DNAH6: variants seen among roughly 807,000 people sequenced by gnomAD.
DNAH6 encodes the protein axonemal beta dynein heavy chain 6.
A neutral mutation model predicts 491.4 loss-of-function variants in DNAH6; 340 were observed. That is an observed-to-expected ratio of 0.69 (90% confidence interval 0.63 to 0.76). DNAH6 has a LOEUF of 0.76. Among genes scored for constraint, DNAH6 ranks in the 30% least tolerant of loss-of-function variants. The pLI is 0.00. For missense variants in DNAH6, 4,443 were observed against 4,972.2 expected (o/e 0.89, Z 3.20); for synonymous variants, 1,603 against 1,686.1 (o/e 0.95, Z 1.21).
At chr2:84,539,015 G>A (rs896691039) in intron 4 of DNAH6, among the ~76,000 whole-genome samples, 1 of 152,010 alleles carries the variant, frequency 6.6e-6, no homozygotes, top group Non-Finnish European at 1.5e-5. Context: ...TATGCAATAA[G>A]GAACAGATCA....
intron 4 of DNAH6, among the ~76,000 whole-genome samples, chr2:84,542,379 A>G (rs1678337525): frequency 6.6e-6 from 1 of 152,244 alleles, no homozygotes; most frequent in South Asian, 2.1e-4. Flanking sequence ...AAGGAAAGAC[A>G]TGTAAAATGT....
At position 84,637,197 on chromosome 2, in the gene DNAH6, T is replaced by A. The variant is rs971425003; in HGVS notation, c.4654-13T>A. 6.6e-7 allele frequency: 1 copy of A among 1,522,400 alleles called. No individual in the cohort carries two copies. Among genetic ancestry groups the A allele is most frequent in the African/African-American group, 1.4e-5 (1 of 71,984 alleles). 94.3% of individuals were successfully genotyped at this position (1,522,400 alleles called of 1,614,324 possible). ...TCTGGAAGAGTGTTAACTTATATTT[T>A]ATCTTCGAACAGCTCTCTAGATTCA... On this transcript the variant is annotated splice_polypyrimidine_tract_variant and intron_variant, in intron 30 of 76. Transcript: ENST00000389394.
intron 4 of DNAH6, among the ~76,000 whole-genome samples, chr2:84,529,678 G>A (rs1676972014): frequency 1.3e-5 from 2 of 152,182 alleles, no homozygotes; most frequent in South Asian, 2.1e-4. Context: ...ATAATTGTGA[G>A]TCTGCAAGTT....
At chr2:84,609,509 A>G (rs955539463) in intron 21 of DNAH6, among the ~76,000 whole-genome samples, 1 of 152,084 alleles carries the variant, frequency 6.6e-6, no homozygotes, top group African/African-American at 2.4e-5. Flanking sequence ...AGAAGAAATG[A>G]GATGGGGAAC....
chr2:84,750,239 G>A (rs1175793464), intron 63 of DNAH6, among the ~76,000 whole-genome samples: 1 of 145,560 alleles, frequency 6.9e-6, no homozygotes, highest in Non-Finnish European at 1.5e-5. Flanking sequence ...TTGCCTGGGT[G>A]GGAGTGCAGT....
intron 68 of DNAH6, among the ~76,000 whole-genome samples, chr2:84,790,113 T>C (rs2105259920): frequency 6.6e-6 from 1 of 152,364 alleles, no homozygotes; most frequent in African/African-American, 2.4e-5. Context: ...ATGACCTTTA[T>C]ATTTATGACC....
At chr2:84,517,128 C>A (rs1222487303) in intron 1 of DNAH6, among the ~76,000 whole-genome samples, 1 of 152,140 alleles carries the variant, frequency 6.6e-6, no homozygotes, top group Admixed American at 6.5e-5. Flanking sequence ...TGATTCAAGA[C>A]CTCTTGTGCT....
At chr2:84,640,642 A>G in intron 32 of DNAH6, 64 bp downstream of exon 32, 1 of 1,457,358 alleles carries the variant, frequency 6.9e-7, no homozygotes, top group South Asian at 1.3e-5. Flanking sequence ...TTAAATGGGT[A>G]ACTCAGGAAA....
chr2:84,705,777 G>A, intron 52 of DNAH6, 30 bp downstream of exon 52: 1 of 1,525,782 alleles, frequency 6.6e-7, no homozygotes, highest in African/African-American at 1.4e-5. Context: ...ATATTTTATA[G>A]AATTGAAGGC....
chr2:84,702,607 A>T (rs1696030864), intron 49 of DNAH6, among the ~76,000 whole-genome samples: 1 of 150,458 alleles, frequency 6.6e-6, no homozygotes, highest in Admixed American at 6.6e-5. Flanking sequence ...CAGTGGCATA[A>T]TCTCGGCTCA....
chr2:84,735,963 T>C (rs964694997), intron 62 of DNAH6, among the ~76,000 whole-genome samples: 6 of 152,202 alleles, frequency 3.9e-5, no homozygotes, highest in East Asian at 1.9e-4. Flanking sequence ...TCTAGAAGAG[T>C]ATTTCCTAAG....
intron 63 of DNAH6, chr2:84,751,367 A>G (rs1464108561): frequency 6.6e-6 from 1 of 152,222 alleles, no homozygotes; most frequent in African/African-American, 2.4e-5. Flanking sequence ...GTGCCTCTAT[A>G]TGGTGGAATC....
At chr2:84,557,711 T>C (rs1310058030) in intron 10 of DNAH6, 24 bp from the exon 11 acceptor site, 4 of 1,204,932 alleles carry the variant, frequency 3.3e-6, no homozygotes, top group Middle Eastern at 2.0e-4. Flanking sequence ...TTCACATTTA[T>C]GTTTATGCTT....
chr2:84,506,708 A>T, the DNAH6 span, among the ~76,000 whole-genome samples: 2 of 152,168 alleles, frequency 1.3e-5, no homozygotes, highest in African/African-American at 4.8e-5. Flanking sequence ...TTAGTTTAAC[A>T]TGTAAGTCTT....
rs983073184 is a variant in DNAH6, at chr2:84,673,221, C to T, written c.6612+737C>T. On this transcript the variant is annotated intron_variant, in intron 40 of 76. Coordinates refer to ENST00000389394, the MANE Select transcript of DNAH6 (RefSeq NM_001370.2). ...ATACTACGGTGGTGTGAATTATGAG[C>T]ACCAAACCAACAGGAGAGGCAGAGG... Among the ~76,000 whole-genome samples the T allele has an allele frequency of 2.6e-5, 4 of 152,218 alleles. No individual in the cohort carries two copies. In the South Asian group the frequency reaches 8.3e-4, roughly 32 times the overall value.
At chr2:84,671,244 G>C (rs2104669551) in intron 39 of DNAH6, among the ~76,000 whole-genome samples, 1 of 152,308 alleles carries the variant, frequency 6.6e-6, no homozygotes, top group South Asian at 2.1e-4. Flanking sequence ...CTGTGAGGCA[G>C]GTTTTCAGGA....
chr2:84,709,890 A>G (rs1368951274), intron 55 of DNAH6, among the ~76,000 whole-genome samples: 1 of 152,228 alleles, frequency 6.6e-6, no homozygotes. Context: ...GAGTGAAGTC[A>G]GGGTATGATC....
intron 33 of DNAH6, among the ~76,000 whole-genome samples, chr2:84,646,943 G>A (rs895653962): frequency 1.4e-4 from 22 of 152,148 alleles, no homozygotes; most frequent in Non-Finnish European, 2.8e-4. Context: ...TGCCTCCCGG[G>A]TTCAAGCAAT....
chr2:84,677,927 A>T (rs184617668), intron 41 of DNAH6, among the ~76,000 whole-genome samples: 1 of 152,278 alleles, frequency 6.6e-6, no homozygotes, highest in Admixed American at 6.5e-5. Flanking sequence ...CAAAGGTAGA[A>T]TAAGACAGTT....
Sources: gnomAD v4.1 joint callset for allele counts (sites outside exome capture counted in the v4.1 genomes callset) on GRCh38, gnomAD v4.1.1 for gene constraint, MANE v1.5 for transcripts, NCBI Gene and HGNC (gene_info 2026-07-23, HGNC 2026-07-21) for gene names.